The following KLHL2 variants were observed in gnomAD, a reference collection of about 807,000 sequenced individuals.
The protein encoded by KLHL2 is kelch-like protein 2.
Under a neutral mutation model 75.8 loss-of-function variants are expected in KLHL2, and 15 were observed. The observed-to-expected ratio is 0.20, with a 90% CI of 0.13 to 0.30. The LOEUF (loss-of-function observed/expected upper bound fraction) is 0.30, where lower values mean the gene tolerates loss of function less well. Among genes scored for constraint, KLHL2 ranks in the 10% least tolerant of loss-of-function variants. The pLI is 1.00. For synonymous variants in KLHL2, 214 were observed against 251.9 expected (o/e 0.85, Z 1.42); for missense variants, 381 against 741.0 (o/e 0.51, Z 5.64).
intron 5 of KLHL2, among the ~76,000 whole-genome samples, chr4:165,282,458 G>C (rs568319907): frequency 1.3e-5 from 2 of 152,266 alleles, no homozygotes; most frequent in South Asian, 4.1e-4. Context: ...TTCGTGTCCA[G>C]AAAGGTGTAA....
intron 13 of KLHL2, among the ~76,000 whole-genome samples, chr4:165,315,321 G>A (rs1427871911): frequency 6.6e-6 from 1 of 152,142 alleles, no homozygotes; most frequent in African/African-American, 2.4e-5. Flanking sequence ...GAAGAATAAA[G>A]AGATAATTTG....
intron 5 of KLHL2, among the ~76,000 whole-genome samples, chr4:165,271,878 T>G (rs1742726279): frequency 1.3e-5 from 2 of 152,162 alleles, no homozygotes; most frequent in Admixed American, 1.3e-4. Flanking sequence ...CAGGAGCCTT[T>G]TGTCTAAACT....
intron 2 of KLHL2, among the ~76,000 whole-genome samples, chr4:165,225,529 G>A (rs1230663790): frequency 1.3e-5 from 2 of 152,128 alleles, no homozygotes; most frequent in Non-Finnish European, 2.9e-5. Flanking sequence ...CAAGTAATAG[G>A]AACATAAACT....
intron 4 of KLHL2, among the ~76,000 whole-genome samples, chr4:165,244,419 G>T (rs1002088819): frequency 6.6e-6 from 1 of 152,222 alleles, no homozygotes; most frequent in Admixed American, 6.5e-5. Flanking sequence ...GGCATGGAGA[G>T]AATTGGTTCA....
Position 165,311,833 on chromosome 4 carries a change from G to A in KLHL2, c.1339+268G>A, listed in dbSNP as rs1052492185. ...TCTGTGTGTGTGTGTGTGTGTGTGT[G>A]TGTGTGTGTGTGTTTGACTTATATA... On this transcript the variant is annotated intron_variant, in intron 11 of 14. Transcript: ENST00000226725. Among the ~76,000 whole-genome samples, 7 of 151,536 alleles carry A rather than the reference G, an allele frequency of 4.6e-5. No homozygotes were observed. The East Asian group carries it at 9.7e-4, about 21-fold the overall frequency.
At chr4:165,311,341 A>G (rs1746170426) in intron 10 of KLHL2, 123 bp from the exon 11 acceptor site, 1 of 651,138 alleles carries the variant, frequency 1.5e-6, no homozygotes, top group Non-Finnish European at 2.7e-6. Flanking sequence ...TGCTGTGTTT[A>G]TGTTCCACCA....
intron 2 of KLHL2, among the ~76,000 whole-genome samples, 157 bp from the exon 3 acceptor site, chr4:165,228,650 G>A (rs759684438): frequency 8.5e-5 from 13 of 152,212 alleles, no homozygotes; most frequent in Middle Eastern, 3.4e-3. Flanking sequence ...TGTTTTCTAT[G>A]TACTTCATGT....
At chr4:165,317,226 AAT>A (rs1746653157) in intron 13 of KLHL2, among the ~76,000 whole-genome samples, 2 of 152,252 alleles carry the variant, frequency 1.3e-5, no homozygotes. Flanking sequence ...AAAAAAAAAA[AAT>A]GAGGGTCAAA....
At chr4:165,295,849 T>C (rs1553962761) in intron 6 of KLHL2, among the ~76,000 whole-genome samples, 9 of 152,138 alleles carry the variant, frequency 5.9e-5, no homozygotes, top group Non-Finnish European at 1.2e-4. Context: ...GAAGATGATA[T>C]AATAAAATAT....
intron 8 of KLHL2, among the ~76,000 whole-genome samples, chr4:165,302,544 T>G (rs1185925452): frequency 1.3e-5 from 2 of 152,202 alleles, no homozygotes; most frequent in African/African-American, 4.8e-5. Flanking sequence ...AGACATTAGT[T>G]TTGGCTTCTC....
chr4:165,211,949 A>G (rs1336219420), intron 1 of KLHL2, among the ~76,000 whole-genome samples: 2 of 152,182 alleles, frequency 1.3e-5, no homozygotes, highest in South Asian at 2.1e-4. Flanking sequence ...TTACTCATCT[A>G]TGGCTGTTAC....
intron 3 of KLHL2, among the ~76,000 whole-genome samples, chr4:165,232,878 CTTTTTTTTTTT>C: frequency 1.9e-5 from 1 of 52,584 alleles, no homozygotes; most frequent in African/African-American, 8.2e-5. Flanking sequence ...CCCTGTTAAG[CTTTTTTTTTTT>C]TTTTTTTTTT....
chr4:165,299,525 T>C lies in KLHL2; in HGVS notation c.790T>C (p.Leu264=), dbSNP rs200389445. Residue 264 remains leucine (L), a synonymous_variant, in exon 8 of 15, where the codon TTG becomes CTG. Transcript: ENST00000226725. The stretch of plus-strand genomic sequence containing the variant: ...GTTACAGAGGGTTGAAGAGGAAGCA[T>C]TGGTCAAGAATAGCAGTGCTTGCAA... ...YLVQRVEEEA[L]VKNSSACKDY... 43 of 1,612,158 alleles carry C rather than the reference T, an allele frequency of 2.7e-5. No individual in the cohort carries two copies. The East Asian group carries it at 8.7e-4, about 33-fold the overall frequency.
At chr4:165,251,709 A>C (rs1409918308) in intron 4 of KLHL2, among the ~76,000 whole-genome samples, 73 of 146,268 alleles carry the variant, frequency 5.0e-4, no homozygotes, top group African/African-American at 1.8e-3. Flanking sequence ...TCCCGGGTTC[A>C]CGCCATTCTC....
chr4:165,237,815 T>C (rs1291069532), intron 3 of KLHL2, among the ~76,000 whole-genome samples: 1 of 152,098 alleles, frequency 6.6e-6, no homozygotes, highest in African/African-American at 2.4e-5. Context: ...CTCAGCATTA[T>C]TCTTGGACTG....
At chr4:165,290,294 C>G (rs1247294456) in intron 5 of KLHL2, among the ~76,000 whole-genome samples, 1 of 151,964 alleles carries the variant, frequency 6.6e-6, no homozygotes, top group Admixed American at 6.6e-5. Flanking sequence ...AAACATGCAC[C>G]ACCATGCCCA....
chr4:165,302,974 T>C (rs1487014701), intron 8 of KLHL2, among the ~76,000 whole-genome samples: 1 of 152,212 alleles, frequency 6.6e-6, no homozygotes, highest in African/African-American at 2.4e-5. Context: ...CCTGTGTCTT[T>C]TACAGATAAC....
chr4:165,247,206 G>C (rs1740329946), intron 4 of KLHL2, among the ~76,000 whole-genome samples: 1 of 152,198 alleles, frequency 6.6e-6, no homozygotes, highest in East Asian at 1.9e-4. Flanking sequence ...ACTCAGAAAT[G>C]TTCCAGTGTG....
intron 5 of KLHL2, among the ~76,000 whole-genome samples, chr4:165,265,677 G>T (rs958866780): frequency 1.3e-5 from 2 of 152,120 alleles, no homozygotes; most frequent in Non-Finnish European, 2.9e-5. Flanking sequence ...TGGTTACATA[G>T]TATTCCATGG....
Sources: allele counts gnomAD v4.1 joint callset (sites outside exome capture counted in the v4.1 genomes callset), GRCh38; gene constraint gnomAD v4.1.1; transcripts MANE v1.5; gene names NCBI Gene and HGNC (gene_info 2026-07-23, HGNC 2026-07-21).